Variants in ARHGEF26 observed in about 807,000 individuals in gnomAD.
The protein encoded by ARHGEF26 is Rho guanine nucleotide exchange factor 26.
A neutral mutation model predicts 89.4 loss-of-function variants in ARHGEF26; 59 were observed. The observed-to-expected ratio is 0.66, with a 90% confidence interval of 0.54 to 0.82. ARHGEF26 has a LOEUF of 0.82. Among genes scored for constraint, ARHGEF26 ranks in the 40% least tolerant of loss-of-function variants. The pLI is 0.00. For synonymous variants in ARHGEF26, 500 were observed against 428.4 expected (o/e 1.17, Z -2.06); for missense variants, 1,234 against 1,085.6 (o/e 1.14, Z -1.92).
chr3:154,219,835 A>C (rs917660681), intron 10 of ARHGEF26, among the ~76,000 whole-genome samples: 1 of 151,434 alleles, frequency 6.6e-6, no homozygotes, highest in Non-Finnish European at 1.5e-5. Context: ...AATGGCATGA[A>C]CCCGGGAGGC....
intron 10 of ARHGEF26, among the ~76,000 whole-genome samples, chr3:154,221,275 A>G (rs1479839992): frequency 6.6e-6 from 1 of 152,248 alleles, no homozygotes; most frequent in Non-Finnish European, 1.5e-5. Context: ...AGATTAGCAG[A>G]TAAAGATAAT....
rs1029103718 is a variant in ARHGEF26, at chr3:154,240,523, A to T, written c.2244A>T (p.Thr748=). The change falls in exon 12 of 15, where the codon ACA becomes ACT. Residue 748 remains threonine (T), a synonymous_variant. Transcript: ENST00000465093. ...CTGCCAGTCACCTCTTTACTCTGAC[A>T]GTCCTTAGTAACCACGCGAATGAGA... ...QSSASHLFTL[T]VLSNHANEKV... The T allele has an allele frequency of 1.2e-6, 2 of 1,613,184 alleles. No homozygotes were observed. Among genetic ancestry groups the T allele is most frequent in the African/African-American group, 2.7e-5 (2 of 74,930 alleles).
rs1403406795 is a variant in ARHGEF26, at chr3:154,194,659, A to G, written c.1786A>G (p.Thr596Ala). The part of the protein sequence containing the change: ...PLLMDTICQK[T>A]PKDSPKYEVC... Reference sequence around the variant, plus strand: ...TTCATTACAGACTATCTGTCAAAAAACACCTAAGGACTCTCCGAAGTATGA... The same window carrying G: ...TTCATTACAGACTATCTGTCAAAAAGCACCTAAGGACTCTCCGAAGTATGA... The change falls in exon 9 of 15, where the codon ACA becomes GCA. Residue 596 changes from threonine to alanine, a missense_variant. Physicochemically the swap from Thr to Ala is moderately conservative, Grantham distance 58. Transcript: ENST00000465093. The G allele has an allele frequency of 6.2e-7, 1 of 1,611,896 alleles. No individual in the cohort carries two copies. The highest frequency in any genetic ancestry group is 1.7e-5 in the Admixed American group (1 of 59,756).
chr3:154,170,564 T>C (rs756813622), intron 6 of ARHGEF26, among the ~76,000 whole-genome samples: 24 of 152,214 alleles, frequency 1.6e-4, no homozygotes, highest in Non-Finnish European at 2.5e-4. Context: ...TCCATTCCCT[T>C]CTGTACCATT....
At chr3:154,190,316 A>T (rs1713877691) in intron 7 of ARHGEF26, among the ~76,000 whole-genome samples, 1 of 152,138 alleles carries the variant, frequency 6.6e-6, no homozygotes, top group Non-Finnish European at 1.5e-5. Flanking sequence ...GTTCGAGACT[A>T]CCCTGGCCAA....
chr3:154,218,298 GA>G lies in ARHGEF26; in HGVS notation c.1935+345del, dbSNP rs541541583. Among the ~76,000 whole-genome samples, 197 of 152,244 alleles carry G rather than the reference GA, an allele frequency of 1.3e-3. 3 individuals carry two copies. In the Middle Eastern group the frequency reaches 0.031, roughly 24 times the overall value. On this transcript the variant is annotated intron_variant, in intron 10 of 14. Transcript: ENST00000465093. ...TCCTTCATTATTCTCAAAATGTTCTGAAAAACAGTAATATTCCATGAGCTGG... is the reference window on the plus strand; with the variant it reads ...TCCTTCATTATTCTCAAAATGTTCTGAAAACAGTAATATTCCATGAGCTGG...
chr3:154,239,418 T>C (rs1275752045), intron 11 of ARHGEF26, among the ~76,000 whole-genome samples: 1 of 150,824 alleles, frequency 6.6e-6, no homozygotes, highest in African/African-American at 2.4e-5. Context: ...GATCCAGGGG[T>C]CTATAGATGA....
At chr3:154,134,839 C>A (rs1718908030) in intron 4 of ARHGEF26, among the ~76,000 whole-genome samples, 1 of 151,668 alleles carries the variant, frequency 6.6e-6, no homozygotes, top group African/African-American at 2.4e-5. Context: ...TTGAGATAAT[C>A]ATGGTTTTTG....
At chr3:154,185,863 A>C (rs1479830142) in intron 6 of ARHGEF26, among the ~76,000 whole-genome samples, 1 of 151,954 alleles carries the variant, frequency 6.6e-6, no homozygotes, top group East Asian at 1.9e-4. Context: ...TACAAAAGAC[A>C]CTCCTGTCAC....
Position 154,216,361 on chromosome 3 carries a change from T to C in ARHGEF26, c.1846-1508T>C, listed in dbSNP as rs531408929. 3.9e-5 allele frequency among the ~76,000 whole-genome samples: 6 copies of C among 152,070 alleles called. 1 individual carries two copies. Among genetic ancestry groups the C allele is most frequent in the South Asian group, 4.1e-4 (2 of 4,820 alleles). Reference sequence around the variant, plus strand: ...GAAAGTCCTTTATAGATAATTTTGCTTTATAGATAATTTAGTGCTTCTAGT... The same window carrying C: ...GAAAGTCCTTTATAGATAATTTTGCCTTATAGATAATTTAGTGCTTCTAGT... On this transcript the variant is annotated intron_variant, in intron 9 of 14. Transcript: ENST00000465093.
At chr3:154,153,903 T>C (rs1720172218) in intron 6 of ARHGEF26, among the ~76,000 whole-genome samples, 1 of 152,132 alleles carries the variant, frequency 6.6e-6, no homozygotes, top group South Asian at 2.1e-4. Flanking sequence ...ACTTTCCTTA[T>C]TCATTTTTAT....
intron 2 of ARHGEF26, among the ~76,000 whole-genome samples, chr3:154,124,139 G>A (rs550194077): frequency 1.1e-3 from 170 of 152,326 alleles, no homozygotes; most frequent in African/African-American, 4.0e-3. Flanking sequence ...TGTAAAATGA[G>A]CTGACCTGCT....
chr3:154,158,300 T>G (rs1711502414), intron 6 of ARHGEF26, among the ~76,000 whole-genome samples: 1 of 152,260 alleles, frequency 6.6e-6, no homozygotes. Flanking sequence ...TTAAGTCCTT[T>G]GGCTGTAAAG....
intron 4 of ARHGEF26, among the ~76,000 whole-genome samples, chr3:154,145,095 C>T (rs1032014955): frequency 6.6e-6 from 1 of 152,154 alleles, no homozygotes; most frequent in Non-Finnish European, 1.5e-5. Flanking sequence ...AAAGTGATGT[C>T]TTAGAACCTT....
At chr3:154,182,613 A>G (rs749225804) in intron 6 of ARHGEF26, among the ~76,000 whole-genome samples, 1 of 152,178 alleles carries the variant, frequency 6.6e-6, no homozygotes, top group African/African-American at 2.4e-5. Flanking sequence ...TTCAACATTA[A>G]TCTTGGAAAA....
rs769397878 is a variant in ARHGEF26 at position 154,187,693 on chromosome 3, T to C, written c.1496T>C (p.Ile499Thr). The C allele has an allele frequency of 4.4e-6, 7 of 1,604,064 alleles. No homozygotes were observed. Among genetic ancestry groups the C allele is most frequent in the South Asian group, 3.4e-5 (3 of 89,134 alleles). ...DVCEASKKFFIELEARHQNNI... is the reference protein window; with the variant it reads ...DVCEASKKFFTELEARHQNNI... ...TCCCTTTGGTTTTTCAGGTTCTTTA[T>C]AGAGTTGGAAGCAAGACATCAGAAT... The change falls in exon 7 of 15, where the codon ATA becomes ACA. Residue 499 changes from isoleucine to threonine, a missense_variant. Physicochemically the swap from Ile to Thr is moderately conservative, Grantham distance 89. Coordinates refer to ENST00000465093, the MANE Select transcript of ARHGEF26 (RefSeq NM_015595.4).
chr3:154,215,785 T>C (rs1238494000), intron 9 of ARHGEF26, among the ~76,000 whole-genome samples: 1 of 152,184 alleles, frequency 6.6e-6, no homozygotes, highest in Admixed American at 6.5e-5. Flanking sequence ...ATCCCATTCA[T>C]GAGGACTCTA....
rs144429013 is a variant in ARHGEF26, at chr3:154,256,626, A to G, written c.*1153A>G. 186 of 1,158,630 alleles carry G rather than the reference A, an allele frequency of 1.6e-4. 2 individuals carry two copies. In the African/African-American group the frequency reaches 2.6e-3, roughly 16 times the overall value. 71.8% of individuals were successfully genotyped at this position (1,158,630 alleles called of 1,614,324 possible). On this transcript the variant is annotated 3_prime_UTR_variant, in exon 15 of 15. Transcript: ENST00000465093. ...CTGACGTGAGGCTGCTTTGCCTTCAATAATACCTAGTTTTCAGCTGTTCCA... is the reference window on the plus strand; with the variant it reads ...CTGACGTGAGGCTGCTTTGCCTTCAGTAATACCTAGTTTTCAGCTGTTCCA...
At chr3:154,191,952 T>C (rs1488910154) in intron 8 of ARHGEF26, among the ~76,000 whole-genome samples, 1 of 152,204 alleles carries the variant, frequency 6.6e-6, no homozygotes, top group Non-Finnish European at 1.5e-5. Flanking sequence ...TTAGGCAGCA[T>C]TCATGAGGAA....
Sources: gnomAD v4.1 joint callset for allele counts (sites outside exome capture counted in the v4.1 genomes callset) on GRCh38, gnomAD v4.1.1 for gene constraint, MANE v1.5 for transcripts, NCBI Gene and HGNC (gene_info 2026-07-23, HGNC 2026-07-21) for gene names.